NASP: variants seen among roughly 807,000 people sequenced by gnomAD.
The protein encoded by NASP is NASP histone chaperone.
Under a neutral mutation model 89.5 loss-of-function variants are expected in NASP, and 24 were observed. That is an observed-to-expected ratio of 0.27 (90% CI 0.19 to 0.38). The LOEUF (loss-of-function observed/expected upper bound fraction) is 0.38. Ranked by LOEUF, NASP falls within the 10% of genes least tolerant of loss-of-function variation. The pLI is 1.00. For synonymous variants in NASP, 306 were observed against 324.7 expected, an observed-to-expected ratio of 0.94 and a Z score of 0.62; for missense variants, 848 against 921.4, an observed-to-expected ratio of 0.92 and a Z score of 1.03.
At chr1:45,591,823 C>T (rs1479540406) in intron 2 of NASP, among the ~76,000 whole-genome samples, 1 of 151,984 alleles carries the variant, frequency 6.6e-6, no homozygotes, top group Admixed American at 6.6e-5. Flanking sequence ...CTAGAGATTT[C>T]TTGTTTCATT....
At chr1:45,605,439 G>T (rs12728612) in intron 4 of NASP, among the ~76,000 whole-genome samples, 7 of 151,876 alleles carry the variant, frequency 4.6e-5, no homozygotes, top group Non-Finnish European at 8.8e-5. Flanking sequence ...AGCAAATGAT[G>T]TCATCTATTT....
chr1:45,604,935 G>A lies in NASP; in HGVS notation c.219-1G>A. ...ATTTTAGATGTTTATTCTCTTTGTAGAGGTAAGAAGTATGGAGAGACAGCT... is the reference window on the plus strand; with the variant it reads ...ATTTTAGATGTTTATTCTCTTTGTAAAGGTAAGAAGTATGGAGAGACAGCT... On this transcript the variant is annotated splice_acceptor_variant, in intron 3 of 14. Transcript: ENST00000350030. LOFTEE classifies it high-confidence loss of function. 6.2e-7 allele frequency: 1 copy of A among 1,600,534 alleles called. No homozygotes were observed. The highest frequency in any genetic ancestry group is 1.7e-5 in the Admixed American group (1 of 59,554).
intron 2 of NASP, among the ~76,000 whole-genome samples, chr1:45,599,660 C>A (rs541489793): frequency 6.6e-6 from 1 of 152,056 alleles, no homozygotes; most frequent in Non-Finnish European, 1.5e-5. Flanking sequence ...AACTCCTGAC[C>A]TTGTGATCTG....
Position 45,590,404 on chromosome 1 carries a change from C to A in NASP, c.60-819C>A, listed in dbSNP as rs1434435786. On this transcript the variant is annotated intron_variant, in intron 1 of 14. Transcript: ENST00000350030. ...TAAAAATACAAAAAAATTAGCCGGG[C>A]ATGGTGGCCGGTGCACAGGCACCGG... Among the ~76,000 whole-genome samples, 64 of 151,856 alleles carry A rather than the reference C, an allele frequency of 4.2e-4. 1 individual carries two copies. The Middle Eastern group carries it at 0.028, about 65-fold the overall frequency.
intron 1 of NASP, among the ~76,000 whole-genome samples, chr1:45,590,125 A>G (rs1362978883): frequency 2.6e-5 from 4 of 152,096 alleles, no homozygotes; most frequent in African/African-American, 9.7e-5. Context: ...GTTCCTCCAA[A>G]TGGTTTGCAT....
chr1:45,613,719 T>C (rs2991983), intron 7 of NASP, among the ~76,000 whole-genome samples: 110,036 of 152,062 alleles, frequency 0.72, 39,937 homozygotes, highest in African/African-American at 0.76. Flanking sequence ...CAAACCTGGC[T>C]TCAAGTTATT....
intron 1 of NASP, among the ~76,000 whole-genome samples, chr1:45,589,133 T>C (rs950282476): frequency 3.9e-5 from 6 of 152,184 alleles, no homozygotes; most frequent in African/African-American, 1.4e-4. Context: ...CTGGTTTGTT[T>C]GTTTATTTAT....
rs1018578257 is a variant in NASP at position 45,595,246 on chromosome 1, A to G, written c.107+3976A>G. On this transcript the variant is annotated intron_variant, in intron 2 of 14. Transcript: ENST00000350030. ...CAGGTCTTGAACTTCTGCCCTCCCT[A>G]TGATGCTCCCTCCTTAGCCTCCTGA... Among the ~76,000 whole-genome samples the G allele has an allele frequency of 5.4e-5, 8 of 148,944 alleles. No individual in the cohort carries two copies. The East Asian group carries it at 8.0e-4, about 15-fold the overall frequency.
chr1:45,611,275 A>G (rs1644003944), intron 6 of NASP: 1 of 152,182 alleles, frequency 6.6e-6, no homozygotes, highest in South Asian at 2.1e-4. Flanking sequence ...ATACCAGAAT[A>G]CTAGAAGACA....
Position 45,592,062 on chromosome 1 carries a change from A to T in NASP, c.107+792A>T, listed in dbSNP as rs565629544. Among the ~76,000 whole-genome samples, 3 of 152,338 alleles carry T rather than the reference A, an allele frequency of 2.0e-5. No homozygotes were observed. In the South Asian group the frequency reaches 6.2e-4, roughly 32 times the overall value. On this transcript the variant is annotated intron_variant, in intron 2 of 14. Coordinates refer to ENST00000350030, the MANE Select transcript of NASP (RefSeq NM_002482.4). ...GAGTGCAGTGGCGCAATCTTGGCTC[A>T]CTGCAACATCTGCCTCCTGGGTTCA... is the stretch of plus-strand genomic sequence containing the variant.
At position 45,586,284 on chromosome 1, in the gene NASP, GGT is replaced by G. The variant is rs202167906; in HGVS notation, c.59+2103_59+2104del. ...TGTGTGTGTGTGTGTGTGTGTGTGT[GGT>G]GTGTGTGTGTGTGTGTGTGTGTGGT... is the stretch of plus-strand genomic sequence containing the variant. On this transcript the variant is annotated intron_variant, in intron 1 of 14. Transcript: ENST00000350030. Among the ~76,000 whole-genome samples the G allele has an allele frequency of 6.5e-3, 656 of 100,398 alleles. 10 individuals carry two copies. The highest frequency in any genetic ancestry group is 0.017 in the South Asian group (52 of 3,080). 65.9% of individuals were successfully genotyped at this position (100,398 alleles called of 152,430 possible).
At chr1:45,600,897 T>C (rs1208987312) in intron 2 of NASP, among the ~76,000 whole-genome samples, 1 of 152,236 alleles carries the variant, frequency 6.6e-6, no homozygotes, top group Non-Finnish European at 1.5e-5. Flanking sequence ...TATAGCAGTA[T>C]CTTATTGTGG....
rs1569626639 is a variant in NASP, at chr1:45,617,553, C to T, written c.2248C>T (p.Pro750Ser). Residue 750 changes from proline to serine, a missense_variant, in exon 14 of 15, where the codon CCC (proline) becomes TCC (serine). Transcript: ENST00000350030. ...GAACGGAGGCAGTGGGGATGCTGTC[C>T]CCAGTGGAAATGAAGTTTCGGAAAA... is the stretch of plus-strand genomic sequence containing the variant. ...EVNGGSGDAV[P>S]SGNEVSENME... 2 of 1,600,872 alleles carry T rather than the reference C, an allele frequency of 1.2e-6. No individual in the cohort carries two copies. Among genetic ancestry groups the T allele is most frequent in the Non-Finnish European group, 8.5e-7 (1 of 1,176,056 alleles).
intron 4 of NASP, 69 bp from the exon 5 acceptor site, chr1:45,606,413 T>C: frequency 9.1e-7 from 1 of 1,104,236 alleles, no homozygotes; most frequent in South Asian, 1.3e-5. Context: ...TAGGACTGTA[T>C]TTTCTGTCTT....
At chr1:45,594,863 A>G (rs1023325223) in intron 2 of NASP, 1 of 328,352 alleles carries the variant, frequency 3.0e-6, no homozygotes, top group Admixed American at 3.3e-5. Flanking sequence ...TGGTTGGAAA[A>G]CACATTATTA....
rs1569583096 is a variant in NASP at position 45,608,175 on chromosome 1, C to G, written c.1264C>G (p.Gln422Glu). Residue 422 changes from glutamine (Q) to glutamate (E), a missense_variant, in exon 6 of 15, where the codon CAG (glutamine) becomes GAG (glutamate). This residue lies in a region of NASP where 464 missense variants were observed against 469.4 expected (regional missense o/e 0.99). Transcript: ENST00000350030. ...GGTCAGGGCAAAGCTGGTTCCTAGTCAGGAGGAGACTAAGCTGTCTGTAGA... is the reference window on the plus strand; with the variant it reads ...GGTCAGGGCAAAGCTGGTTCCTAGTGAGGAGGAGACTAAGCTGTCTGTAGA... ...EKVRAKLVPS[Q>E]EETKLSVEES... The G allele has an allele frequency of 4.3e-6, 7 of 1,614,096 alleles. No individual in the cohort carries two copies. Among genetic ancestry groups the G allele is most frequent in the South Asian group, 1.1e-5 (1 of 91,086 alleles).
intron 3 of NASP, among the ~76,000 whole-genome samples, chr1:45,603,891 G>GA: frequency 1.3e-5 from 2 of 152,292 alleles, no homozygotes; most frequent in Non-Finnish European, 2.9e-5. Context: ...TTACAGGCGT[G>GA]AGCCACTGTG....
intron 10 of NASP, 36 bp downstream of exon 10, chr1:45,615,237 A>G: frequency 1.2e-6 from 2 of 1,612,012 alleles, no homozygotes; most frequent in East Asian, 4.5e-5. Flanking sequence ...GTGATGTTGG[A>G]TCCAGCAATT....
At chr1:45,588,150 C>G (rs1644584620) in intron 1 of NASP, among the ~76,000 whole-genome samples, 1 of 152,116 alleles carries the variant, frequency 6.6e-6, no homozygotes, top group South Asian at 2.1e-4. Context: ...GTTGCTCAGG[C>G]TGGAGTGCAC....
Sources: allele counts gnomAD v4.1 joint callset (sites outside exome capture counted in the v4.1 genomes callset), GRCh38; gene constraint gnomAD v4.1.1; regional missense constraint gnomAD v4.1.1; transcripts MANE v1.5; gene names NCBI Gene and HGNC (gene_info 2026-07-23, HGNC 2026-07-21).